Variants in DLGAP2 observed in about 807,000 individuals in gnomAD.
DLGAP2 encodes the protein DLG associated protein 2.
A neutral mutation model predicts 100.3 loss-of-function variants in DLGAP2; 26 were observed. The observed-to-expected ratio is 0.26, with a 90% CI of 0.19 to 0.36. The LOEUF (loss-of-function observed/expected upper bound fraction) is 0.36. Among genes scored for constraint, DLGAP2 ranks in the 10% least tolerant of loss-of-function variants. The pLI, the probability that DLGAP2 is intolerant of heterozygous loss-of-function variation, is 1.00. For synonymous variants in DLGAP2, 886 were observed against 630.1 expected, an observed-to-expected ratio of 1.41 and a Z score of -6.08; for missense variants, 1,858 against 1,453.2, an observed-to-expected ratio of 1.28 and a Z score of -4.53.
At chr8:759,967 A>G (rs1329718868) in intron 1 of DLGAP2, among the ~76,000 whole-genome samples, 2 of 152,232 alleles carry the variant, frequency 1.3e-5, no homozygotes, top group African/African-American at 4.8e-5. Context: ...ACCACCCAGC[A>G]ATTGTCAGGG....
intron 12 of DLGAP2, among the ~76,000 whole-genome samples, chr8:1,687,501 C>T (rs1348615425): frequency 2.0e-5 from 3 of 152,184 alleles, no homozygotes; most frequent in African/African-American, 4.8e-5. Context: ...ACATTATAGG[C>T]ATCAGATAGG....
chr8:1,082,142 C>G lies in DLGAP2; in HGVS notation c.73+174176C>G, dbSNP rs115218606. 6.5e-3 allele frequency among the ~76,000 whole-genome samples: 987 copies of G among 152,270 alleles called. 14 individuals carry two copies. Among genetic ancestry groups the G allele is most frequent in the African/African-American group, 0.021 (889 of 41,542 alleles). ...AGGCTGTGTGCAGTTTACATAGACA[C>G]CTTCCTGTTACCTAAAGAACATCTC... On this transcript the variant is annotated intron_variant, in intron 2 of 14. Coordinates refer to ENST00000637795, the MANE Select transcript of DLGAP2 (RefSeq NM_001346810.2).
intron 3 of DLGAP2, among the ~76,000 whole-genome samples, chr8:1,417,157 T>TCA (rs1796912984): frequency 1.4e-5 from 1 of 73,126 alleles, no homozygotes; most frequent in Non-Finnish European, 2.8e-5. Context: ...AGACTCTGAG[T>TCA]GAAGGGGAAG....
In DLGAP2 at chr8:907,364, C is replaced by G. The variant is rs899752336; in HGVS notation, c.19-548C>G. 1.2e-4 allele frequency among the ~76,000 whole-genome samples: 19 copies of G among 152,300 alleles called. No homozygotes were observed. In the South Asian group the frequency reaches 2.7e-3, roughly 22 times the overall value. ...GTTGCTGAATCTTGGGAAAGCCATT[C>G]TCTGTTATTTTCACCTCTCCTTCAC... On this transcript the variant is annotated intron_variant, in intron 1 of 14. Transcript: ENST00000637795.
At chr8:947,444 G>A (rs1014761200) in intron 2 of DLGAP2, among the ~76,000 whole-genome samples, 5 of 152,222 alleles carry the variant, frequency 3.3e-5, no homozygotes, top group Non-Finnish European at 7.3e-5. Flanking sequence ...TTACGTCCGC[G>A]CGGCTCAGCC....
At chr8:1,613,987 C>T (rs998212517) in intron 6 of DLGAP2, among the ~76,000 whole-genome samples, 9 of 152,210 alleles carry the variant, frequency 5.9e-5, no homozygotes, top group Admixed American at 3.9e-4. Flanking sequence ...CCAGGCTTTG[C>T]AATGCGTGAC....
At chr8:1,249,960 A>C (rs2116878046) in intron 2 of DLGAP2, among the ~76,000 whole-genome samples, 1 of 152,206 alleles carries the variant, frequency 6.6e-6, no homozygotes, top group South Asian at 2.1e-4. Flanking sequence ...AGCTCACTGC[A>C]ACCTCTGCCT....
chr8:838,866 C>T (rs1678052519), intron 1 of DLGAP2, among the ~76,000 whole-genome samples: 1 of 152,144 alleles, frequency 6.6e-6, no homozygotes. Context: ...TCCTGGGGAG[C>T]GAGAGCATGT....
chr8:1,645,560 G>C (rs919865636), intron 8 of DLGAP2, among the ~76,000 whole-genome samples: 1 of 152,162 alleles, frequency 6.6e-6, no homozygotes, highest in African/African-American at 2.4e-5. Flanking sequence ...TCCCTGTAAT[G>C]ATGCAAAATA....
chr8:843,539 C>T (rs1005160439), intron 1 of DLGAP2, among the ~76,000 whole-genome samples: 1 of 152,220 alleles, frequency 6.6e-6, no homozygotes, highest in African/African-American at 2.4e-5. Context: ...CCTGGCCTGT[C>T]CCTCACCAGC....
intron 3 of DLGAP2, among the ~76,000 whole-genome samples, chr8:1,350,203 CGTGGAAAGGCCGTGCGGGTCCTG>C (rs1801677516): frequency 2.2e-5 from 3 of 135,576 alleles, no homozygotes; most frequent in Non-Finnish European, 3.2e-5. Context: ...CCTGAGTGTG[CGTGGAAAGGCCGTGCGGGTCCTG>C]AGTGTGCGTG....
At chr8:1,077,055 G>A (rs1439220397) in intron 2 of DLGAP2, among the ~76,000 whole-genome samples, 4 of 152,016 alleles carry the variant, frequency 2.6e-5, no homozygotes, top group African/African-American at 9.7e-5. Context: ...GGGTGGAGGA[G>A]TCTGTCCCGG....
At chr8:1,191,337 A>AC (rs1219960532) in intron 2 of DLGAP2, among the ~76,000 whole-genome samples, 1 of 151,790 alleles carries the variant, frequency 6.6e-6, no homozygotes, top group African/African-American at 2.4e-5. Context: ...CGCCCGGCTA[A>AC]TTTTTTGTAT....
chr8:998,442 A>G (rs1338865055), intron 2 of DLGAP2, among the ~76,000 whole-genome samples: 1 of 150,264 alleles, frequency 6.7e-6, no homozygotes, highest in East Asian at 1.9e-4. Flanking sequence ...CTGGGACTAC[A>G]GGTGTGAGCC....
intron 1 of DLGAP2, among the ~76,000 whole-genome samples, chr8:896,851 A>G (rs539509596): frequency 3.9e-5 from 6 of 152,300 alleles, no homozygotes; most frequent in African/African-American, 1.2e-4. Flanking sequence ...GCTGACTAAG[A>G]CAAGTGGTGT....
intron 2 of DLGAP2, among the ~76,000 whole-genome samples, chr8:1,076,994 A>C (rs1363610173): frequency 2.8e-5 from 4 of 141,350 alleles, no homozygotes; most frequent in Non-Finnish European, 4.6e-5. Flanking sequence ...GGCCCCCCCA[A>C]GACCAAGAGG....
chr8:830,974 C>G (rs1796771249), intron 1 of DLGAP2, among the ~76,000 whole-genome samples: 1 of 149,490 alleles, frequency 6.7e-6, no homozygotes, highest in Non-Finnish European at 1.5e-5. Context: ...CAGCTCACTG[C>G]AACCTTTGCC....
At chr8:1,193,496 C>A (rs1476361213) in intron 2 of DLGAP2, among the ~76,000 whole-genome samples, 1 of 152,196 alleles carries the variant, frequency 6.6e-6, no homozygotes, top group Non-Finnish European at 1.5e-5. Context: ...TGGTTTCTGT[C>A]ACTTAGCACC....
Position 1,531,362 on chromosome 8 carries a change from A to C in DLGAP2, c.173-17264A>C, listed in dbSNP as rs746164483. On this transcript the variant is annotated intron_variant, in intron 4 of 14. Transcript: ENST00000637795. ...CTGTATTCTCCTAGAATAAGTTTCC[A>C]GGTCAAATTACTTGCTAAAAGGACC... 3.4e-4 allele frequency among the ~76,000 whole-genome samples: 52 copies of C among 152,120 alleles called. 2 individuals carry two copies. Among genetic ancestry groups the C allele is most frequent in the Admixed American group, 2.0e-3 (31 of 15,262 alleles).
Sources: allele counts gnomAD v4.1 joint callset (sites outside exome capture counted in the v4.1 genomes callset), GRCh38; gene constraint gnomAD v4.1.1; transcripts MANE v1.5; gene names NCBI Gene and HGNC (gene_info 2026-07-23, HGNC 2026-07-21).